The following RDX variants were observed in gnomAD, a reference collection of about 807,000 sequenced individuals.
RDX encodes deafness, autosomal recessive 24.
RDX carries 32 observed loss-of-function variants against 83.7 expected under a neutral mutation model. That is an observed-to-expected ratio of 0.38 (90% CI 0.29 to 0.51). RDX has a LOEUF of 0.51. Among genes scored for constraint, RDX ranks in the 20% least tolerant of loss-of-function variants. RDX has a pLI of 0.87. For missense variants in RDX, 600 were observed against 689.9 expected, an observed-to-expected ratio of 0.87 and a Z score of 1.46; for synonymous variants, 229 against 222.7, an observed-to-expected ratio of 1.03 and a Z score of -0.25.
intron 15 of RDX, among the ~76,000 whole-genome samples, chr11:110,182,072 C>T (rs1862898822): frequency 6.6e-6 from 1 of 152,206 alleles, no homozygotes; most frequent in Non-Finnish European, 1.5e-5. Context: ...GAGAGACACC[C>T]AGCAGCTGCT....
rs1271943498 is a variant in RDX, at chr11:110,202,392, TA to T, written c.1749-2715del. ...CTGGGCAAGAGAGCAAGACTTCATCTAAAAAAAAAAATCTGTCTAGTTTAGT... is the reference window on the plus strand; with the variant it reads ...CTGGGCAAGAGAGCAAGACTTCATCTAAAAAAAAAATCTGTCTAGTTTAGT... On this transcript the variant is annotated intron_variant, in intron 14 of 15. Transcript: ENST00000528498. Among the ~76,000 whole-genome samples, 389 of 146,726 alleles carry T rather than the reference TA, an allele frequency of 2.7e-3. 1 individual carries two copies. The highest frequency in any genetic ancestry group is 6.4e-3 in the African/African-American group (259 of 40,358).
At chr11:110,243,014 T>G (rs1256879989) in intron 10 of RDX, among the ~76,000 whole-genome samples, 1 of 152,200 alleles carries the variant, frequency 6.6e-6, no homozygotes, top group Non-Finnish European at 1.5e-5. Flanking sequence ...ATGAAATATT[T>G]ATCATCACTG....
chr11:110,239,840 T>TA (rs1356083526), intron 10 of RDX, among the ~76,000 whole-genome samples: 48 of 149,426 alleles, frequency 3.2e-4, no homozygotes, highest in Non-Finnish European at 5.9e-5. Context: ...GACTCTGTTT[T>TA]TAAAAAAAAA....
chr11:110,249,373 C>T (rs1413267289), intron 9 of RDX, among the ~76,000 whole-genome samples: 2 of 152,098 alleles, frequency 1.3e-5, no homozygotes, highest in African/African-American at 2.4e-5. Flanking sequence ...TCAAAAATTT[C>T]GCCCTTATTT....
At chr11:110,285,223 C>T (rs527614716) in intron 1 of RDX, among the ~76,000 whole-genome samples, 1 of 149,890 alleles carries the variant, frequency 6.7e-6, no homozygotes, top group East Asian at 2.0e-4. Context: ...CCGGTCTCTA[C>T]TAAAAATACA....
chr11:110,193,404 C>T (rs149753958), intron 15 of RDX, among the ~76,000 whole-genome samples: 22 of 152,178 alleles, frequency 1.4e-4, no homozygotes, highest in African/African-American at 5.1e-4. Context: ...GTTGAAAAAC[C>T]ACCCATTGGG....
At chr11:110,202,928 G>A (rs951957712) in intron 14 of RDX, among the ~76,000 whole-genome samples, 2 of 152,120 alleles carry the variant, frequency 1.3e-5, no homozygotes, top group Admixed American at 1.3e-4. Flanking sequence ...TTTGTACACT[G>A]TTGGTGAGAC....
chr11:110,282,798 G>A (rs530304185), intron 1 of RDX, among the ~76,000 whole-genome samples: 1 of 152,246 alleles, frequency 6.6e-6, no homozygotes, highest in South Asian at 2.1e-4. Context: ...GGGTAACACA[G>A]ACAGATTGTG....
chr11:110,186,650 A>G (rs1862993236), intron 15 of RDX, among the ~76,000 whole-genome samples: 1 of 152,064 alleles, frequency 6.6e-6, no homozygotes, highest in South Asian at 2.1e-4. Context: ...CCCAGAAACT[A>G]GGAGGGTCAG....
chr11:110,190,523 T>C (rs371802503), intron 15 of RDX, among the ~76,000 whole-genome samples: 1 of 152,206 alleles, frequency 6.6e-6, no homozygotes, highest in Non-Finnish European at 1.5e-5. Context: ...CAATCTAACA[T>C]GATACCTACA....
At chr11:110,290,958 T>G (rs1784663) in intron 1 of RDX, among the ~76,000 whole-genome samples, 43,578 of 152,146 alleles carry the variant, frequency 0.29, 6,690 homozygotes, top group Middle Eastern at 0.35. Context: ...ATGAGCTCAC[T>G]ACATATGACT....
intron 5 of RDX, among the ~76,000 whole-genome samples, chr11:110,262,366 T>C (rs1285111803): frequency 6.6e-6 from 1 of 151,940 alleles, no homozygotes; most frequent in Admixed American, 6.6e-5. Context: ...GGGTGGATCA[T>C]TTGAGATCAG....
intron 10 of RDX, among the ~76,000 whole-genome samples, chr11:110,242,175 G>A (rs1290250299): frequency 6.6e-6 from 1 of 152,086 alleles, no homozygotes; most frequent in Admixed American, 6.6e-5. Context: ...AAAACTGGCC[G>A]GGCACGGTGG....
intron 3 of RDX, among the ~76,000 whole-genome samples, chr11:110,268,448 C>CT (rs1169771960): frequency 6.6e-6 from 1 of 152,022 alleles, no homozygotes; most frequent in Non-Finnish European, 1.5e-5. Flanking sequence ...TCCAAATAAT[C>CT]TAACTTTGGT....
At chr11:110,204,861 A>G (rs1262656007) in intron 14 of RDX, among the ~76,000 whole-genome samples, 3 of 152,168 alleles carry the variant, frequency 2.0e-5, no homozygotes, top group Admixed American at 1.3e-4. Flanking sequence ...TACATTTCCA[A>G]GCAAAAGTCC....
At chr11:110,208,253 A>G (rs534111079) in intron 14 of RDX, among the ~76,000 whole-genome samples, 4 of 152,384 alleles carry the variant, frequency 2.6e-5, no homozygotes, top group African/African-American at 9.6e-5. Flanking sequence ...GTACATTTCA[A>G]TGAAATACTC....
In RDX at chr11:110,174,924, T is replaced by C. The variant is rs1481763735; in HGVS notation, c.*342A>G. ...GAACAGGGAGAGACTAGGAAAAATA[T>C]GAACTAGTGCTGTATTTTTACTTCT... On this transcript the variant is annotated 3_prime_UTR_variant, in exon 16 of 16. Transcript: ENST00000528498. 2.0e-5 allele frequency: 3 copies of C among 152,350 alleles called. No individual in the cohort carries two copies. The East Asian group carries it at 5.8e-4, about 29-fold the overall frequency. The allele number at this position is 152,350 out of a possible 1,614,324, so 9.4% of individuals were successfully genotyped here.
chr11:110,233,634 G>T, intron 12 of RDX, 155 bp from the exon 13 acceptor site: 1 of 754,882 alleles, frequency 1.3e-6, no homozygotes, highest in South Asian at 1.8e-5. Flanking sequence ...AATGTCAACA[G>T]GTAAAAGAGA....
At chr11:110,209,778 C>T (rs2134253302) in intron 14 of RDX, among the ~76,000 whole-genome samples, 1 of 145,464 alleles carries the variant, frequency 6.9e-6, no homozygotes, top group Middle Eastern at 3.5e-3. Flanking sequence ...GCTGAGGGTC[C>T]TCTCTGTTAG....
Sources: allele counts gnomAD v4.1 joint callset (sites outside exome capture counted in the v4.1 genomes callset), GRCh38; gene constraint gnomAD v4.1.1; transcripts MANE v1.5; gene names NCBI Gene and HGNC (gene_info 2026-07-23, HGNC 2026-07-21).